Variants in CNTNAP5 observed in about 807,000 individuals in gnomAD.
The protein encoded by CNTNAP5 is contactin-associated protein-like 5.
A neutral mutation model predicts 150.2 loss-of-function variants in CNTNAP5; 72 were observed. That is an observed-to-expected ratio of 0.48 (90% CI 0.40 to 0.58). The LOEUF (loss-of-function observed/expected upper bound fraction) is 0.58, where lower values mean the gene tolerates loss of function less well. Ranked by LOEUF, CNTNAP5 falls within the 20% of genes least tolerant of loss-of-function variation. CNTNAP5 has a pLI of 0.00. For missense variants in CNTNAP5, 1,636 were observed against 1,626.2 expected, an observed-to-expected ratio of 1.01 and a Z score of -0.10; for synonymous variants, 672 against 619.8, an observed-to-expected ratio of 1.08 and a Z score of -1.25.
intron 1 of CNTNAP5, among the ~76,000 whole-genome samples, chr2:124,154,185 C>T (rs1558777848): frequency 6.6e-6 from 1 of 152,076 alleles, no homozygotes; most frequent in Non-Finnish European, 1.5e-5. Flanking sequence ...GTGAAGTGGG[C>T]CCTTTTGAGC....
chr2:124,797,862 G>A (rs1170905997), intron 18 of CNTNAP5, among the ~76,000 whole-genome samples: 3 of 152,164 alleles, frequency 2.0e-5, no homozygotes, highest in Non-Finnish European at 4.4e-5. Context: ...TTTCTTTTCT[G>A]GCTATGCAAC....
At chr2:124,064,345 G>C (rs116593147) in intron 1 of CNTNAP5, among the ~76,000 whole-genome samples, 57 of 152,176 alleles carry the variant, frequency 3.7e-4, no homozygotes, top group African/African-American at 1.1e-3. Flanking sequence ...TTCAGGCATG[G>C]TGAGAAAGGT....
intron 1 of CNTNAP5, among the ~76,000 whole-genome samples, chr2:124,125,018 C>T (rs4386317): frequency 0.97 from 147,667 of 152,284 alleles, 71,753 homozygotes; most frequent in East Asian, 1. Flanking sequence ...ATGAGCAAAA[C>T]AACCAGCTAA....
chr2:124,610,231 T>C (rs911320081), intron 12 of CNTNAP5, among the ~76,000 whole-genome samples: 2 of 152,072 alleles, frequency 1.3e-5, no homozygotes, highest in Admixed American at 6.5e-5. Flanking sequence ...AAAGAAAAGG[T>C]AAATAAGCAA....
chr2:124,110,423 C>A (rs554601484), intron 1 of CNTNAP5, among the ~76,000 whole-genome samples: 2 of 152,110 alleles, frequency 1.3e-5, no homozygotes, highest in East Asian at 3.9e-4. Flanking sequence ...AAAAAAAGGC[C>A]GGTTTTTCAA....
chr2:124,849,088 C>G (rs1258070026), intron 19 of CNTNAP5, among the ~76,000 whole-genome samples: 1 of 151,984 alleles, frequency 6.6e-6, no homozygotes, highest in Non-Finnish European at 1.5e-5. Context: ...GGAGTTTTTC[C>G]TCCATGTTTT....
intron 3 of CNTNAP5, among the ~76,000 whole-genome samples, chr2:124,325,115 A>C (rs1689185166): frequency 1.3e-5 from 2 of 152,152 alleles, no homozygotes; most frequent in South Asian, 4.1e-4. Context: ...TTGGAAGGTG[A>C]GGGTGAAGCC....
At chr2:124,786,401 AG>A (rs1490699642) in intron 17 of CNTNAP5, among the ~76,000 whole-genome samples, 1 of 79,452 alleles carries the variant, frequency 1.3e-5, no homozygotes, top group Non-Finnish European at 2.5e-5. Flanking sequence ...GAAAGAAAGA[AG>A]GAAGGAAGGA....
intron 10 of CNTNAP5, among the ~76,000 whole-genome samples, chr2:124,542,902 C>G (rs751239915): frequency 6.6e-6 from 1 of 152,178 alleles, no homozygotes; most frequent in Non-Finnish European, 1.5e-5. Flanking sequence ...AAACTCAACA[C>G]GACTCTTGGT....
chr2:124,810,517 G>T (rs181062977), intron 19 of CNTNAP5, among the ~76,000 whole-genome samples: 1 of 152,286 alleles, frequency 6.6e-6, no homozygotes, highest in African/African-American at 2.4e-5. Flanking sequence ...AACCTTAACT[G>T]GAGAAGGGAT....
intron 13 of CNTNAP5, among the ~76,000 whole-genome samples, chr2:124,651,655 C>A (rs1302111286): frequency 6.6e-6 from 1 of 152,128 alleles, no homozygotes; most frequent in African/African-American, 2.4e-5. Flanking sequence ...CGGCCAAGAG[C>A]CAAGAGTTAC....
intron 1 of CNTNAP5, among the ~76,000 whole-genome samples, chr2:124,059,619 T>A (rs892456564): frequency 5.9e-5 from 9 of 152,142 alleles, no homozygotes; most frequent in Admixed American, 1.3e-4. Context: ...TCTTTTTTTT[T>A]TAAATTGATT....
intron 12 of CNTNAP5, among the ~76,000 whole-genome samples, chr2:124,618,111 G>T (rs1293671601): frequency 6.6e-6 from 1 of 152,286 alleles, no homozygotes; most frequent in South Asian, 2.1e-4. Context: ...TTGAGCAGCA[G>T]CAAGCAAAGG....
intron 4 of CNTNAP5, among the ~76,000 whole-genome samples, chr2:124,427,999 T>C (rs1692280371): frequency 6.6e-6 from 1 of 152,188 alleles, no homozygotes; most frequent in South Asian, 2.1e-4. Context: ...AACAAGCTCC[T>C]TGGTGACCTC....
intron 12 of CNTNAP5, 35 bp downstream of exon 12, chr2:124,609,955 C>T (rs1677344552): frequency 1.9e-6 from 3 of 1,576,464 alleles, no homozygotes; most frequent in African/African-American, 1.4e-5. Context: ...CACTTAACCA[C>T]CCCACTTCAT....
intron 1 of CNTNAP5, among the ~76,000 whole-genome samples, chr2:124,090,089 G>A (rs1682780357): frequency 6.6e-6 from 1 of 152,224 alleles, no homozygotes; most frequent in Non-Finnish European, 1.5e-5. Context: ...TTGAGTAAAT[G>A]TATGGATGGA....
chr2:124,252,260 T>C (rs917433621), intron 3 of CNTNAP5, among the ~76,000 whole-genome samples: 8 of 152,174 alleles, frequency 5.3e-5, no homozygotes, highest in South Asian at 2.1e-4. Flanking sequence ...CTAAACCCCT[T>C]AATAGGCACG....
chr2:124,155,441 C>CGT (rs146761332), intron 1 of CNTNAP5, among the ~76,000 whole-genome samples: 21 of 150,810 alleles, frequency 1.4e-4, no homozygotes, highest in East Asian at 9.7e-4. Flanking sequence ...AAATGAATAG[C>CGT]GTGTGTGTGT....
intron 3 of CNTNAP5, among the ~76,000 whole-genome samples, chr2:124,315,108 A>T (rs1688931726): frequency 6.6e-6 from 1 of 151,940 alleles, no homozygotes; most frequent in Non-Finnish European, 1.5e-5. Context: ...GACTCCAGGC[A>T]CATGCCACCA....
Sources: allele counts gnomAD v4.1 joint callset (sites outside exome capture counted in the v4.1 genomes callset), GRCh38; gene constraint gnomAD v4.1.1; transcripts MANE v1.5; gene names NCBI Gene and HGNC (gene_info 2026-07-23, HGNC 2026-07-21).